Variants in CMSS1 observed in about 807,000 individuals in gnomAD.
CMSS1 encodes protein CMSS1.
Under a neutral mutation model 43.5 loss-of-function variants are expected in CMSS1, and 33 were observed. The ratio of observed to expected loss-of-function variants is 0.76; its 90% CI spans 0.57 to 1.01. CMSS1 has a LOEUF of 1.01. Ranked by LOEUF, CMSS1 falls within the 50% of genes least tolerant of loss-of-function variation. The pLI is 0.00. For synonymous variants in CMSS1, 115 were observed against 117.2 expected, an observed-to-expected ratio of 0.98 and a Z score of 0.12; for missense variants, 313 against 326.4, an observed-to-expected ratio of 0.96 and a Z score of 0.32.
chr3:100,113,174 GA>G, intron 1 of CMSS1, among the ~76,000 whole-genome samples: 1 of 152,258 alleles, frequency 6.6e-6, no homozygotes, highest in Non-Finnish European at 1.5e-5. Flanking sequence ...AAAGAAAAAA[GA>G]ATAACTGAAT....
At chr3:99,836,930 T>G (rs1559650083) in intron 1 of CMSS1, among the ~76,000 whole-genome samples, 2 of 152,200 alleles carry the variant, frequency 1.3e-5, no homozygotes. Flanking sequence ...AAGGACAGGA[T>G]AGCCTCCCTA....
intron 1 of CMSS1, among the ~76,000 whole-genome samples, chr3:100,074,894 G>A (rs1026818293): frequency 6.6e-5 from 10 of 151,382 alleles, no homozygotes; most frequent in East Asian, 2.0e-4. Context: ...GGGTTTCGCC[G>A]TGTTGGCCAG....
At chr3:100,174,046 C>T (rs2067130165) in intron 8 of CMSS1, among the ~76,000 whole-genome samples, 1 of 152,218 alleles carries the variant, frequency 6.6e-6, no homozygotes, top group African/African-American at 2.4e-5. Flanking sequence ...AAGAGACCAA[C>T]TTTCTTGCTT....
chr3:100,060,161 C>A (rs1451265807), intron 1 of CMSS1, among the ~76,000 whole-genome samples: 4 of 151,918 alleles, frequency 2.6e-5, no homozygotes, highest in Non-Finnish European at 5.9e-5. Context: ...GGCTACGGTG[C>A]CAGACTGAAG....
At chr3:100,051,871 T>G (rs1231157322) in intron 1 of CMSS1, among the ~76,000 whole-genome samples, 1 of 148,574 alleles carries the variant, frequency 6.7e-6, no homozygotes, top group Non-Finnish European at 1.5e-5. Flanking sequence ...GTATATAATT[T>G]AATGTAATAT....
chr3:99,883,414 C>T (rs915786728), intron 1 of CMSS1, among the ~76,000 whole-genome samples: 17 of 152,122 alleles, frequency 1.1e-4, no homozygotes, highest in Admixed American at 3.9e-4. Flanking sequence ...CTTTTCACAC[C>T]CTGTGTCCAA....
intron 1 of CMSS1, among the ~76,000 whole-genome samples, chr3:100,054,932 A>G (rs1441889146): frequency 6.6e-6 from 1 of 152,172 alleles, no homozygotes; most frequent in Non-Finnish European, 1.5e-5. Context: ...ATTAATCACA[A>G]CATAGTTCCT....
rs1266876956 is a variant in CMSS1 at position 99,963,621 on chromosome 3, C to CT, written c.64+145587dup. On this transcript the variant is annotated intron_variant, in intron 1 of 9. Transcript: ENST00000421999. ...CTGAATATGCATCCATTTTTTTTTT[C>CT]TTTTTTTTTAGACGGAGTGTCGCTC... Among the ~76,000 whole-genome samples the CT allele has an allele frequency of 2.2e-3, 331 of 148,206 alleles. 3 individuals are homozygous for CT. Among genetic ancestry groups the CT allele is most frequent in the African/African-American group, 7.6e-3 (306 of 40,454 alleles).
intron 2 of CMSS1, among the ~76,000 whole-genome samples, chr3:100,153,444 G>T (rs1458681155): frequency 6.6e-6 from 1 of 152,176 alleles, no homozygotes; most frequent in African/African-American, 2.4e-5. Flanking sequence ...CCATAGACAG[G>T]GTGGCTGAAA....
At chr3:100,103,067 G>A (rs893040714) in intron 1 of CMSS1, among the ~76,000 whole-genome samples, 7 of 152,296 alleles carry the variant, frequency 4.6e-5, no homozygotes, top group Middle Eastern at 3.4e-3. Context: ...GAAGCAGACC[G>A]ACTGTGGGTA....
intron 1 of CMSS1, among the ~76,000 whole-genome samples, chr3:99,854,620 A>T (rs182097442): frequency 3.2e-4 from 49 of 152,282 alleles, no homozygotes; most frequent in African/African-American, 1.2e-3. Flanking sequence ...GTGCACTACA[A>T]GATGTTTAGC....
intron 1 of CMSS1, among the ~76,000 whole-genome samples, chr3:100,005,331 G>A (rs1709957753): frequency 6.6e-6 from 1 of 152,184 alleles, no homozygotes; most frequent in African/African-American, 2.4e-5. Context: ...CTTGAAAAAG[G>A]TGAAGCTGGG....
intron 1 of CMSS1, among the ~76,000 whole-genome samples, chr3:99,868,857 C>T (rs1459004537): frequency 6.6e-6 from 1 of 152,180 alleles, no homozygotes; most frequent in East Asian, 1.9e-4. Context: ...CCCCACAGCC[C>T]TTACAGCTTT....
At chr3:100,070,837 G>A (rs1400766815) in intron 1 of CMSS1, among the ~76,000 whole-genome samples, 2 of 152,134 alleles carry the variant, frequency 1.3e-5, no homozygotes, top group Non-Finnish European at 2.9e-5. Context: ...CACCATGTTG[G>A]CCAGGATATT....
chr3:100,181,306 C>T lies in CMSS1; in HGVS notation c.*2918C>T, dbSNP rs886066217. 6.6e-6 allele frequency: 1 copy of T among 152,136 alleles called. No homozygotes were observed. The highest frequency in any genetic ancestry group is 2.4e-5 in the African/African-American group (1 of 41,432). The allele number at this position is 152,136 out of a possible 1,614,324, so 9.4% of individuals were successfully genotyped here. On this transcript the variant is annotated 3_prime_UTR_variant, in exon 10 of 10. Transcript: ENST00000421999. ...TGTCTTATTAACTTTTTTTTAAAAA[C>T]TTTCTATTTTGAAACTTCAGGCTTA...
intron 1 of CMSS1, among the ~76,000 whole-genome samples, chr3:100,051,563 G>A (rs2065373923): frequency 7.6e-6 from 1 of 131,266 alleles, no homozygotes. Context: ...ATGTCCATGT[G>A]TTCTCATTGT....
chr3:100,008,659 A>G (rs976955216), intron 1 of CMSS1, among the ~76,000 whole-genome samples: 4 of 152,230 alleles, frequency 2.6e-5, no homozygotes, highest in African/African-American at 2.4e-5. Flanking sequence ...TTATAAGTCT[A>G]TTGCACAGCA....
At chr3:100,156,579 C>A (rs757055740) in intron 2 of CMSS1, among the ~76,000 whole-genome samples, 38 of 147,488 alleles carry the variant, frequency 2.6e-4, no homozygotes, top group Non-Finnish European at 4.0e-4. Context: ...AGTGCTGGGA[C>A]TACAGGCGTG....
chr3:99,869,427 T>C (rs1944678132), intron 1 of CMSS1, among the ~76,000 whole-genome samples: 1 of 152,228 alleles, frequency 6.6e-6, no homozygotes. Context: ...ATAATGTATT[T>C]ATTTTAATAA....
Sources: allele counts gnomAD v4.1 joint callset (sites outside exome capture counted in the v4.1 genomes callset), GRCh38; gene constraint gnomAD v4.1.1; transcripts MANE v1.5; gene names NCBI Gene and HGNC (gene_info 2026-07-23, HGNC 2026-07-21).